Variants in ABHD4 observed in about 807,000 individuals in gnomAD.
The protein encoded by ABHD4 is (Lyso)-N-acylphosphatidylethanolamine lipase.
Under a neutral mutation model 42.3 loss-of-function variants are expected in ABHD4, and 35 were observed. The ratio of observed to expected loss-of-function variants is 0.83; its 90% CI spans 0.63 to 1.10. The LOEUF is 1.10. Among genes scored for constraint, ABHD4 ranks in the 50% least tolerant of loss-of-function variants. The pLI, the probability that ABHD4 is intolerant of heterozygous loss-of-function variation, is 0.00. For synonymous variants in ABHD4, 169 were observed against 170.6 expected (o/e 0.99, Z 0.07); for missense variants, 389 against 454.8 (o/e 0.86, Z 1.32).
Position 22,611,045 on chromosome 14 carries a change from T to C in ABHD4, c.*97T>C. 7 of 1,069,978 alleles carry C rather than the reference T, an allele frequency of 6.5e-6. No homozygotes were observed. The South Asian group carries it at 6.6e-5, about 10-fold the overall frequency. 66.3% of individuals were successfully genotyped at this position (1,069,978 alleles called of 1,614,324 possible). ...TCTGTCCTTTCCTCACCAACTAACATGTGCCAGCCAGGCAGAGTCTTGTGC... is the reference window on the plus strand; with the variant it reads ...TCTGTCCTTTCCTCACCAACTAACACGTGCCAGCCAGGCAGAGTCTTGTGC... On this transcript the variant is annotated 3_prime_UTR_variant, in exon 7 of 7. Coordinates refer to ENST00000428304, the MANE Select transcript of ABHD4 (RefSeq NM_022060.3).
chr14:22,607,039 T>G (rs1465243934), intron 5 of ABHD4, among the ~76,000 whole-genome samples: 1 of 152,230 alleles, frequency 6.6e-6, no homozygotes, highest in Non-Finnish European at 1.5e-5. Flanking sequence ...CATATTCCTT[T>G]GTACACACAT....
intron 4 of ABHD4, among the ~76,000 whole-genome samples, 153 bp from the exon 5 acceptor site, chr14:22,606,269 A>G (rs1056537535): frequency 1.1e-4 from 16 of 152,250 alleles, no homozygotes; most frequent in Admixed American, 6.5e-5. Context: ...AGATTCCTGC[A>G]CTCTTTCTGC....
intron 5 of ABHD4, among the ~76,000 whole-genome samples, chr14:22,607,651 T>C (rs921270786): frequency 3.9e-5 from 6 of 152,234 alleles, no homozygotes; most frequent in Non-Finnish European, 7.3e-5. Flanking sequence ...TTCCTGCCGT[T>C]GGCCCTTCTC....
rs1034867492 is a variant in ABHD4, at chr14:22,603,719, G to A, written c.442G>A (p.Gly148Arg). Residue 148 changes from glycine to arginine, a missense_variant, in exon 3 of 7, where the codon GGA becomes AGA. Gly to Arg is a moderately radical substitution (Grantham distance 125, BLOSUM62 -2). Coordinates refer to ENST00000428304, the MANE Select transcript of ABHD4 (RefSeq NM_022060.3). The stretch of plus-strand genomic sequence containing the variant: ...CATGATCCTCCTGGGGCACAGTTTG[G>A]GAGGATTCCTGGCCACTTCTTACTC... ...PSMILLGHSL[G>R]GFLATSYSIK... The A allele has an allele frequency of 2.5e-6, 4 of 1,599,998 alleles. No homozygotes were observed. In the African/African-American group the frequency reaches 5.4e-5, roughly 21 times the overall value.
At chr14:22,603,359 T>C (rs1028458205) in intron 2 of ABHD4, 31 bp from the exon 3 acceptor site, 18 of 1,613,484 alleles carry the variant, frequency 1.1e-5, no homozygotes, top group East Asian at 2.2e-5. Context: ...GAAACACTTA[T>C]TGACTTACCA....
In ABHD4 at chr14:22,603,593, G is replaced by A. The variant is rs147053454; in HGVS notation, c.316G>A (p.Gly106Arg). Residue 106 changes from glycine (G) to arginine (R), a missense_variant, in exon 3 of 7, where the codon GGG becomes AGG. By Grantham distance (125) the Gly-to-Arg change is moderately radical. Around this residue, in one of 3 missense-constraint regions of ABHD4, gnomAD observed 38 missense variants for 72.1 expected, o/e 0.53. Transcript: ENST00000428304. ...GCACACCTTCGATCTGCTTGGCTTC[G>A]GGCGAAGCTCAAGGCCAGCATTCCC... Reference protein sequence around the residue: ...TLHTFDLLGFGRSSRPAFPRD... With the variant: ...TLHTFDLLGFRRSSRPAFPRD... 4.2e-5 allele frequency: 67 copies of A among 1,614,014 alleles called. 1 individual carries two copies. Among genetic ancestry groups the A allele is most frequent in the Admixed American group, 1.0e-4 (6 of 60,006 alleles).
chr14:22,612,776 C>A lies in ABHD4; in HGVS notation c.*1828C>A, dbSNP rs1263709189. On this transcript the variant is annotated 3_prime_UTR_variant, in exon 7 of 7. Coordinates refer to ENST00000428304, the MANE Select transcript of ABHD4 (RefSeq NM_022060.3). ...ATGCAGAGATGCCTTCCCCTGATTC[C>A]CTAAACTAGACTCGGACCCCTCTGT... 2 of 152,206 alleles carry A rather than the reference C, an allele frequency of 1.3e-5. No homozygotes were observed. Among genetic ancestry groups the A allele is most frequent in the Non-Finnish European group, 2.9e-5 (2 of 68,062 alleles). The allele number at this position is 152,206 out of a possible 1,614,324, so 9.4% of individuals were successfully genotyped here.
intron 5 of ABHD4, chr14:22,609,499 C>A (rs1215915214): frequency 4.2e-6 from 2 of 475,224 alleles, no homozygotes; most frequent in Non-Finnish European, 7.5e-6. Context: ...GATTCTTGGA[C>A]AGTTCGTACT....
rs1365787403 is a variant in ABHD4 at position 22,603,419 on chromosome 14, G to A, written c.142G>A (p.Val48Ile). The A allele has an allele frequency of 6.2e-7, 1 of 1,614,172 alleles. No individual in the cohort carries two copies. Among genetic ancestry groups the A allele is most frequent in the Non-Finnish European group, 8.5e-7 (1 of 1,180,030 alleles). Residue 48 changes from valine (V) to isoleucine (I), a missense_variant, in exon 3 of 7, where the codon GTA (valine) becomes ATA (isoleucine). Physicochemically the swap from Val to Ile is conservative, Grantham distance 29. Transcript: ENST00000428304. ...CLQNKFLARY[V>I]SLPNQNKIWT... ...CCAGAATAAGTTCCTGGCCAGATATGTATCCCTCCCAAACCAGAATAAGAT... is the reference window on the plus strand; with the variant it reads ...CCAGAATAAGTTCCTGGCCAGATATATATCCCTCCCAAACCAGAATAAGAT...
At chr14:22,606,786 C>A (rs771524912) in intron 5 of ABHD4, among the ~76,000 whole-genome samples, 43 of 152,158 alleles carry the variant, frequency 2.8e-4, no homozygotes, top group Non-Finnish European at 5.6e-4. Context: ...TACAGGTATG[C>A]AATTGGCCTG....
At chr14:22,606,214 T>C (rs2037347359) in intron 4 of ABHD4, among the ~76,000 whole-genome samples, 1 of 152,212 alleles carries the variant, frequency 6.6e-6, no homozygotes, top group Non-Finnish European at 1.5e-5. Context: ...AATTCTCTGG[T>C]AATGAGCTGA....
At chr14:22,599,886 A>G (rs1473253476) in intron 1 of ABHD4, among the ~76,000 whole-genome samples, 1 of 152,086 alleles carries the variant, frequency 6.6e-6, no homozygotes, top group Non-Finnish European at 1.5e-5. Flanking sequence ...GATATTGACA[A>G]CTCTCATCTG....
chr14:22,600,449 C>T (rs1352135951), intron 1 of ABHD4, among the ~76,000 whole-genome samples: 3 of 152,164 alleles, frequency 2.0e-5, no homozygotes. Context: ...AGAGGCTAGA[C>T]TAGTTGATTC....
intron 6 of ABHD4, among the ~76,000 whole-genome samples, chr14:22,610,161 G>A (rs564127694): frequency 9.7e-4 from 147 of 152,150 alleles, no homozygotes; most frequent in Non-Finnish European, 1.6e-3. Context: ...GGGTTCAAGC[G>A]ATTCTTCTGC....
intron 2 of ABHD4, among the ~76,000 whole-genome samples, chr14:22,602,508 A>G (rs2037297659): frequency 6.6e-6 from 1 of 152,156 alleles, no homozygotes; most frequent in Admixed American, 6.5e-5. Flanking sequence ...ACACCAGCAG[A>G]ACAAGCACTG....
Position 22,603,777 on chromosome 14 carries a change from G to C in ABHD4, c.485+15G>C, listed in dbSNP as rs200222287. Reference sequence around the variant, plus strand: ...TACCCTGATAGGTAATAAGGAGATGGCTCCATCCCTCGTGACCTAATTCCT... The same window carrying C: ...TACCCTGATAGGTAATAAGGAGATGCCTCCATCCCTCGTGACCTAATTCCT... On this transcript the variant is annotated intron_variant, in intron 3 of 6. Coordinates refer to ENST00000428304, the MANE Select transcript of ABHD4 (RefSeq NM_022060.3). 6 of 1,564,876 alleles carry C rather than the reference G, an allele frequency of 3.8e-6. No homozygotes were observed. Among genetic ancestry groups the C allele is most frequent in the Non-Finnish European group, 5.2e-6 (6 of 1,153,096 alleles).
chr14:22,609,987 A>G (rs914803087), intron 6 of ABHD4, 77 bp downstream of exon 6: 13 of 1,420,594 alleles, frequency 9.2e-6, no homozygotes, highest in Middle Eastern at 1.8e-4. Flanking sequence ...GAGAAGGGTG[A>G]TCAAGGAGAA....
At chr14:22,599,273 G>A (rs1006308919) in intron 1 of ABHD4, among the ~76,000 whole-genome samples, 4 of 152,204 alleles carry the variant, frequency 2.6e-5, no homozygotes, top group Non-Finnish European at 5.9e-5. Flanking sequence ...AAAGGACTTA[G>A]GGAGGCAGAA....
At chr14:22,600,831 G>GT (rs1555307697) in intron 1 of ABHD4, among the ~76,000 whole-genome samples, 3,115 of 65,134 alleles carry the variant, frequency 0.048, 50 homozygotes, top group African/African-American at 0.11. Context: ...CCAGCAGGGG[G>GT]GTGTGTGTGT....
Sources: gnomAD v4.1 joint callset for allele counts (sites outside exome capture counted in the v4.1 genomes callset) on GRCh38, gnomAD v4.1.1 for gene constraint, gnomAD v4.1.1 regional missense constraint, MANE v1.5 for transcripts, NCBI Gene and HGNC (gene_info 2026-07-23, HGNC 2026-07-21) for gene names.